HS6ST3: variants seen among roughly 807,000 people sequenced by gnomAD.
The protein encoded by HS6ST3 is heparan-sulfate 6-O-sulfotransferase 3.
HS6ST3 carries 12 observed loss-of-function variants against 36.7 expected under a neutral mutation model. The observed-to-expected ratio is 0.33, with a 90% CI of 0.21 to 0.53. The LOEUF (loss-of-function observed/expected upper bound fraction) is 0.53. HS6ST3 is among the 20% of genes least tolerant of loss of function. The pLI, the probability that HS6ST3 is intolerant of heterozygous loss-of-function variation, is 0.95. For synonymous variants in HS6ST3, 240 were observed against 257.5 expected, an observed-to-expected ratio of 0.93 and a Z score of 0.65; for missense variants, 584 against 640.9, an observed-to-expected ratio of 0.91 and a Z score of 0.96.
chr13:96,653,525 C>G (rs538300960), intron 1 of HS6ST3, among the ~76,000 whole-genome samples: 18 of 152,250 alleles, frequency 1.2e-4, no homozygotes, highest in African/African-American at 4.3e-4. Flanking sequence ...CATGTCCCTG[C>G]AAAGGACATG....
chr13:96,667,811 T>G (rs1014917236), intron 1 of HS6ST3, among the ~76,000 whole-genome samples: 2 of 152,112 alleles, frequency 1.3e-5, no homozygotes, highest in African/African-American at 4.8e-5. Flanking sequence ...ACAGAAGGGG[T>G]ACTTACTATG....
At chr13:96,718,136 A>ACC (rs1566437327) in intron 1 of HS6ST3, among the ~76,000 whole-genome samples, 1 of 152,170 alleles carries the variant, frequency 6.6e-6, no homozygotes, top group Non-Finnish European at 1.5e-5. Context: ...ATCCCACCTA[A>ACC]CATTTGCAAA....
chr13:96,573,741 G>A (rs774363129), intron 1 of HS6ST3: 32 of 324,430 alleles, frequency 9.9e-5, no homozygotes, highest in Middle Eastern at 7.4e-4. Context: ...GTCCACAGCC[G>A]TCCCCAGCCC....
intron 1 of HS6ST3, among the ~76,000 whole-genome samples, chr13:96,542,075 T>C (rs1034296150): frequency 1.3e-5 from 2 of 152,210 alleles, no homozygotes; most frequent in Admixed American, 1.3e-4. Context: ...ACCTTTTTGA[T>C]TCAAAAATCC....
intron 1 of HS6ST3, among the ~76,000 whole-genome samples, chr13:96,567,964 T>G (rs1200188186): frequency 6.6e-6 from 1 of 152,214 alleles, no homozygotes; most frequent in Non-Finnish European, 1.5e-5. Flanking sequence ...AAGTTAGAAT[T>G]TCTTATATCA....
At position 96,689,531 on chromosome 13, in the gene HS6ST3, C is replaced by T. The variant is rs191974938; in HGVS notation, c.708-142959C>T. 2.9e-3 allele frequency among the ~76,000 whole-genome samples: 445 copies of T among 151,352 alleles called. 2 individuals are homozygous for T. The highest frequency in any genetic ancestry group is 0.01 in the Middle Eastern group (3 of 292). ...CATGGCTTATGCTTAATAAGAGGGT[C>T]CCCCAAAATGTGTTAATTGGTTGCT... On this transcript the variant is annotated intron_variant, in intron 1 of 1. Coordinates refer to ENST00000376705, the MANE Select transcript of HS6ST3 (RefSeq NM_153456.4).
chr13:96,700,786 C>T (rs1875265426), intron 1 of HS6ST3, among the ~76,000 whole-genome samples: 1 of 152,154 alleles, frequency 6.6e-6, no homozygotes, highest in South Asian at 2.1e-4. Context: ...TGGAAAAGGT[C>T]ATTTGCAAAA....
chr13:96,255,552 C>T (rs543346546), intron 1 of HS6ST3, among the ~76,000 whole-genome samples: 9 of 152,232 alleles, frequency 5.9e-5, no homozygotes, highest in Admixed American at 4.6e-4. Flanking sequence ...CTCAACTTCA[C>T]AGAATTTTAG....
At chr13:96,820,188 T>C (rs1199083745) in intron 1 of HS6ST3, among the ~76,000 whole-genome samples, 1 of 152,244 alleles carries the variant, frequency 6.6e-6, no homozygotes, top group Non-Finnish European at 1.5e-5. Context: ...AATCTTGTTA[T>C]ATCAGAGGAT....
chr13:96,498,808 T>C (rs899559259), intron 1 of HS6ST3, among the ~76,000 whole-genome samples: 1 of 152,116 alleles, frequency 6.6e-6, no homozygotes, highest in Non-Finnish European at 1.5e-5. Flanking sequence ...TCTTATTTGG[T>C]TTGTTTGGTT....
intron 1 of HS6ST3, among the ~76,000 whole-genome samples, chr13:96,183,441 T>C (rs565452293): frequency 6.6e-6 from 1 of 152,302 alleles, no homozygotes; most frequent in South Asian, 2.1e-4. Context: ...TCAACTCTTC[T>C]TTCCAGTACT....
rs371827063 is a variant in HS6ST3, at chr13:96,797,421, A to T, written c.708-35069A>T. 7.9e-5 allele frequency among the ~76,000 whole-genome samples: 12 copies of T among 152,032 alleles called. No individual in the cohort carries two copies. The South Asian group carries it at 2.5e-3, about 32-fold the overall frequency. On this transcript the variant is annotated intron_variant, in intron 1 of 1. Coordinates refer to ENST00000376705, the MANE Select transcript of HS6ST3 (RefSeq NM_153456.4). ...ATGAAAACAAAGGCAGAAAGAATAA[A>T]CAATTTGGTTAATTGAGTTTGAATG...
At chr13:96,259,400 C>T (rs1316423434) in intron 1 of HS6ST3, among the ~76,000 whole-genome samples, 1 of 152,046 alleles carries the variant, frequency 6.6e-6, no homozygotes, top group Non-Finnish European at 1.5e-5. Context: ...CAGGTGAGAA[C>T]AAGAGGATGT....
At chr13:96,170,579 T>TG (rs2054182864) in intron 1 of HS6ST3, among the ~76,000 whole-genome samples, 1 of 150,838 alleles carries the variant, frequency 6.6e-6, no homozygotes, top group African/African-American at 2.4e-5. Flanking sequence ...GGAGAGAGGG[T>TG]TTTTTTTTCA....
chr13:96,382,707 AC>A (rs567567236), intron 1 of HS6ST3, among the ~76,000 whole-genome samples: 134 of 152,318 alleles, frequency 8.8e-4, no homozygotes, highest in African/African-American at 3.0e-3. Flanking sequence ...AATAAAATTT[AC>A]CTTGTAGGGA....
intron 1 of HS6ST3, among the ~76,000 whole-genome samples, chr13:96,782,204 T>A (rs568406823): frequency 1.1e-3 from 167 of 152,318 alleles, no homozygotes; most frequent in African/African-American, 3.8e-3. Flanking sequence ...CCATTTCCTC[T>A]GTTTATATAC....
chr13:96,680,287 C>T (rs1664632354), intron 1 of HS6ST3, among the ~76,000 whole-genome samples: 1 of 152,130 alleles, frequency 6.6e-6, no homozygotes, highest in East Asian at 1.9e-4. Context: ...GGTCAGCAAT[C>T]CCTCCACTCA....
chr13:96,596,995 T>C (rs1214100089), intron 1 of HS6ST3, among the ~76,000 whole-genome samples: 1 of 152,134 alleles, frequency 6.6e-6, no homozygotes, highest in Non-Finnish European at 1.5e-5. Flanking sequence ...TGTAATACTA[T>C]GCAGCCATAA....
chr13:96,501,687 C>G (rs1489919160), intron 1 of HS6ST3, among the ~76,000 whole-genome samples: 1 of 152,182 alleles, frequency 6.6e-6, no homozygotes, highest in East Asian at 1.9e-4. Context: ...AAAATGAGAC[C>G]AATATGTTGC....
Sources: allele counts gnomAD v4.1 joint callset (sites outside exome capture counted in the v4.1 genomes callset), GRCh38; gene constraint gnomAD v4.1.1; transcripts MANE v1.5; gene names NCBI Gene and HGNC (gene_info 2026-07-23, HGNC 2026-07-21).